Variants in GNG2 observed in about 807,000 individuals in gnomAD.
The protein encoded by GNG2 is guanine nucleotide-binding protein G(I)/G(S)/G(O) subunit gamma-2.
A neutral mutation model predicts 5.5 loss-of-function variants in GNG2; 5 were observed. The ratio of observed to expected loss-of-function variants is 0.91; its 90% CI spans 0.48 to 1.92. The LOEUF is 1.92. GNG2 is among the 30% of genes most tolerant of loss of function. The pLI is 0.01. For synonymous variants in GNG2, 28 were observed against 32.0 expected, an observed-to-expected ratio of 0.88 and a Z score of 0.42; for missense variants, 55 against 88.4, an observed-to-expected ratio of 0.62 and a Z score of 1.52.
intron 2 of GNG2, among the ~76,000 whole-genome samples, chr14:51,925,804 T>C (rs1887277064): frequency 6.6e-6 from 1 of 150,856 alleles, no homozygotes; most frequent in African/African-American, 2.4e-5. Context: ...TTTTTTTTAG[T>C]AGAAATGGGG....
At chr14:51,907,388 A>AT (rs1346614800) in intron 2 of GNG2, among the ~76,000 whole-genome samples, 88 of 152,382 alleles carry the variant, frequency 5.8e-4, no homozygotes, top group African/African-American at 1.8e-3. Flanking sequence ...AAGCATTGAA[A>AT]TTAAGGGTCT....
intron 1 of GNG2, among the ~76,000 whole-genome samples, chr14:51,877,261 G>A (rs182328930): frequency 2.0e-5 from 3 of 152,252 alleles, no homozygotes; most frequent in Admixed American, 6.5e-5. Flanking sequence ...GATTAGGTCA[G>A]GAGGAAAGAT....
intron 2 of GNG2, among the ~76,000 whole-genome samples, chr14:51,849,478 G>A (rs1881808120): frequency 6.6e-6 from 1 of 152,214 alleles, no homozygotes; most frequent in Non-Finnish European, 1.5e-5. Context: ...GGAGAGCAAA[G>A]CAAAGTGGAG....
intron 2 of GNG2, among the ~76,000 whole-genome samples, chr14:51,922,591 T>G (rs1481363255): frequency 1.3e-5 from 2 of 152,182 alleles, no homozygotes; most frequent in African/African-American, 2.4e-5. Context: ...TCAACCTCTC[T>G]GACAATTTCC....
chr14:51,833,677 A>G (rs1383019091), intron 2 of GNG2, among the ~76,000 whole-genome samples: 1 of 152,220 alleles, frequency 6.6e-6, no homozygotes, highest in Non-Finnish European at 1.5e-5. Context: ...ATATAATAGA[A>G]GGATGTGATT....
chr14:51,943,845 G>C (rs6572805), intron 2 of GNG2, among the ~76,000 whole-genome samples: 74,996 of 152,018 alleles, frequency 0.49, 19,008 homozygotes, highest in East Asian at 0.64. Context: ...GAAGACAATA[G>C]TGTTAAAATG....
At chr14:51,859,207 G>A (rs1882304515), upstream of GNG2, among the ~76,000 whole-genome samples, 1 of 152,170 alleles carries the variant, frequency 6.6e-6, no homozygotes, top group Non-Finnish European at 1.5e-5. Context: ...GAGAAGAGGT[G>A]TTTTTTGTTG....
intron 3 of GNG2, among the ~76,000 whole-genome samples, chr14:51,962,168 A>T (rs1207775629): frequency 3.3e-5 from 5 of 151,558 alleles, no homozygotes; most frequent in African/African-American, 1.2e-4. Context: ...TATTGACATG[A>T]GGGTCATTAG....
intron 2 of GNG2, among the ~76,000 whole-genome samples, chr14:51,910,984 C>G (rs1886256700): frequency 1.3e-5 from 2 of 152,328 alleles, no homozygotes; most frequent in Non-Finnish European, 2.9e-5. Context: ...TTTTGAACTT[C>G]CAAAATGCAT....
chr14:51,830,552 G>A (rs12147482), intron 2 of GNG2, among the ~76,000 whole-genome samples: 33,409 of 152,090 alleles, frequency 0.22, 4,087 homozygotes, highest in African/African-American at 0.31. Flanking sequence ...AAATAAAAAT[G>A]CTCTATATCC....
At position 51,917,490 on chromosome 14, in the gene GNG2, T is replaced by G. The variant is rs1413533366; in HGVS notation, c.-29-33160T>G. 1.1e-5 allele frequency: 5 copies of G among 442,394 alleles called. No homozygotes were observed. In the Admixed American group the frequency reaches 1.3e-4, roughly 11 times the overall value. The allele number at this position is 442,394 out of a possible 1,614,324, so 27.4% of individuals were successfully genotyped here. A position where few individuals can be genotyped will look rare whatever the true frequency, so the allele number is the denominator to read the frequency against. On this transcript the variant is annotated intron_variant, in intron 2 of 3. Transcript: ENST00000556766. ...TGGAACCTTAGCCTAGTGCAGAGTTTATTAAAACCATGTCTTTTTTTAAAT... is the reference window on the plus strand; with the variant it reads ...TGGAACCTTAGCCTAGTGCAGAGTTGATTAAAACCATGTCTTTTTTTAAAT...
intron 2 of GNG2, among the ~76,000 whole-genome samples, chr14:51,883,039 A>G (rs1884205349): frequency 1.3e-5 from 2 of 151,880 alleles, no homozygotes; most frequent in South Asian, 4.1e-4. Context: ...AAAAAAGAAA[A>G]AAAAGAACAG....
rs1491031688 is a variant in GNG2 at position 51,908,561 on chromosome 14, TCC to T, written c.-30+30905_-30+30906del. Among the ~76,000 whole-genome samples the T allele has an allele frequency of 3.5e-3, 494 of 140,464 alleles. 5 individuals are homozygous for T. Among genetic ancestry groups the T allele is most frequent in the South Asian group, 0.021 (96 of 4,520 alleles). 92.1% of individuals were successfully genotyped at this position (140,464 alleles called of 152,430 possible). On this transcript the variant is annotated intron_variant, in intron 2 of 3. Transcript: ENST00000556766. ...ATCTATCTATCTATCTATCTATCTA[TCC>T]ATATATATAGAGAGAGAGAGAGAGA...
rs115849882 is a variant in GNG2 at position 51,842,320 on chromosome 14, G to C, written c.64+14513G>C. On this transcript the variant is annotated intron_variant, in intron 2 of 3. Coordinates refer to the GNG2 transcript ENST00000553432. ...ATTTTAATACATGTTATTTTGTAGAGAGAACAAGGAAGCATCTTCCCCAGG... is the reference window on the plus strand; with the variant it reads ...ATTTTAATACATGTTATTTTGTAGACAGAACAAGGAAGCATCTTCCCCAGG... 3.3e-3 allele frequency among the ~76,000 whole-genome samples: 506 copies of C among 152,284 alleles called. 5 individuals are homozygous for C. Among genetic ancestry groups the C allele is most frequent in the African/African-American group, 0.012 (491 of 41,548 alleles).
intron 2 of GNG2, chr14:51,827,889 A>C (rs1039491626): frequency 1.6e-6 from 1 of 613,892 alleles, no homozygotes; most frequent in Admixed American, 2.9e-5. Context: ...AATGGTGGAA[A>C]GAGTAAAGAG....
At chr14:51,966,378 A>G (rs1889920961) in intron 3 of GNG2, among the ~76,000 whole-genome samples, 181 bp from the exon 4 acceptor site, 1 of 152,150 alleles carries the variant, frequency 6.6e-6, no homozygotes, top group South Asian at 2.1e-4. Context: ...GCTGGCAACA[A>G]TCCTGTAAGG....
At chr14:51,891,679 T>C (rs768365660) in intron 2 of GNG2, among the ~76,000 whole-genome samples, 11 of 152,248 alleles carry the variant, frequency 7.2e-5, no homozygotes, top group Non-Finnish European at 1.3e-4. Context: ...TGCTTCTTCT[T>C]TGGCTTGGAT....
At chr14:51,925,005 T>C (rs1887223107) in intron 2 of GNG2, among the ~76,000 whole-genome samples, 1 of 152,198 alleles carries the variant, frequency 6.6e-6, no homozygotes, top group African/African-American at 2.4e-5. Context: ...TATAAAGGAT[T>C]CAAAATCACA....
At chr14:51,953,013 T>C (rs76079052) in intron 3 of GNG2, among the ~76,000 whole-genome samples, 4,982 of 152,246 alleles carry the variant, frequency 0.033, 189 homozygotes, top group East Asian at 0.14. Context: ...GCATGCCATA[T>C]AGAACAACTT....
Sources: allele counts gnomAD v4.1 joint callset (sites outside exome capture counted in the v4.1 genomes callset), GRCh38; gene constraint gnomAD v4.1.1; transcripts MANE v1.5; gene names NCBI Gene and HGNC (gene_info 2026-07-23, HGNC 2026-07-21).